YAF2: variants seen among roughly 807,000 people sequenced by gnomAD.
The protein encoded by YAF2 is YY1 associated factor 2.
YAF2 carries 7 observed loss-of-function variants against 20.1 expected under a neutral mutation model. That is an observed-to-expected ratio of 0.35 (90% confidence interval 0.20 to 0.65). YAF2 has a LOEUF of 0.65. YAF2 is among the 30% of genes least tolerant of loss of function. The probability of loss-of-function intolerance (pLI) is 0.69; values close to 1 mark genes in which losing one functional copy is unlikely to be tolerated. For missense variants in YAF2, 151 were observed against 219.2 expected, an observed-to-expected ratio of 0.69 and a Z score of 1.96; for synonymous variants, 74 against 76.0, an observed-to-expected ratio of 0.97 and a Z score of 0.14.
At chr12:42,221,920 C>G (rs1381407936) in intron 2 of YAF2, among the ~76,000 whole-genome samples, 2 of 152,174 alleles carry the variant, frequency 1.3e-5, no homozygotes, top group Non-Finnish European at 2.9e-5. Context: ...ATTAAGGTTT[C>G]AAGTAATAAA....
chr12:42,234,040 G>A (rs1349579494), intron 2 of YAF2: 4 of 635,084 alleles, frequency 6.3e-6, no homozygotes, highest in Middle Eastern at 7.9e-4. Flanking sequence ...GTGTGGTGGC[G>A]GGCACCTGTA....
At chr12:42,233,257 C>G in intron 2 of YAF2, 1 of 985,380 alleles carries the variant, frequency 1.0e-6, no homozygotes, top group Non-Finnish European at 1.2e-6. Context: ...ATAATATCCT[C>G]TAACAAAATG....
chr12:42,223,199 T>G (rs1258191312), intron 2 of YAF2, among the ~76,000 whole-genome samples: 4 of 152,154 alleles, frequency 2.6e-5, no homozygotes, highest in Non-Finnish European at 4.4e-5. Context: ...GGTGAAAGGT[T>G]TCTTTGCTTA....
At chr12:42,188,726 AC>A (rs1201280705) in intron 2 of YAF2, among the ~76,000 whole-genome samples, 1 of 151,898 alleles carries the variant, frequency 6.6e-6, no homozygotes, top group Non-Finnish European at 1.5e-5. Context: ...CTAAGTATTC[AC>A]ATGTACAATT....
chr12:42,170,990 G>GTT (rs368620433), intron 2 of YAF2, among the ~76,000 whole-genome samples: 1 of 151,574 alleles, frequency 6.6e-6, no homozygotes, highest in African/African-American at 2.4e-5. Context: ...GAATTGTTTA[G>GTT]TTTTTTTTTG....
chr12:42,171,194 A>G (rs2066038361), intron 2 of YAF2, among the ~76,000 whole-genome samples: 1 of 151,948 alleles, frequency 6.6e-6, no homozygotes, highest in Admixed American at 6.6e-5. Context: ...ATTTCACCAT[A>G]TTGCCCAGGC....
At chr12:42,212,077 C>T (rs916870405) in intron 2 of YAF2, among the ~76,000 whole-genome samples, 2 of 151,522 alleles carry the variant, frequency 1.3e-5, no homozygotes, top group African/African-American at 4.8e-5. Flanking sequence ...TATTGACACA[C>T]CAAACACAAA....
chr12:42,218,125 G>A (rs906884661), intron 2 of YAF2, among the ~76,000 whole-genome samples: 2 of 150,358 alleles, frequency 1.3e-5, no homozygotes, highest in African/African-American at 2.4e-5. Context: ...CTTTCTAGAC[G>A]TTAGAACTTG....
rs12228912 is a variant in YAF2 at position 42,224,540 on chromosome 12, G to A, written c.152+13059C>T. Among the ~76,000 whole-genome samples, 128 of 142,856 alleles carry A rather than the reference G, an allele frequency of 9.0e-4. 1 individual carries two copies. Among genetic ancestry groups the A allele is most frequent in the East Asian group, 7.4e-3 (36 of 4,846 alleles). The allele number at this position is 142,856 out of a possible 152,430, so 93.7% of individuals were successfully genotyped here. On this transcript the variant is annotated intron_variant, in intron 2 of 3. Coordinates refer to ENST00000534854, the MANE Select transcript of YAF2 (RefSeq NM_005748.6). Reference sequence around the variant, plus strand: ...TATCCCTCCTCTAGCCCCCCACCCCGCGACAGGCCCCCGTGTGTGATGTTC... The same window carrying A: ...TATCCCTCCTCTAGCCCCCCACCCCACGACAGGCCCCCGTGTGTGATGTTC...
chr12:42,192,755 G>T (rs1278338569), intron 2 of YAF2, among the ~76,000 whole-genome samples: 1 of 152,130 alleles, frequency 6.6e-6, no homozygotes, highest in Admixed American at 6.5e-5. Context: ...AGTACTATCA[G>T]TTTTCCTCTT....
At chr12:42,230,271 GAAGA>G (rs1378095727) in intron 2 of YAF2, among the ~76,000 whole-genome samples, 1 of 146,766 alleles carries the variant, frequency 6.8e-6, no homozygotes, top group Non-Finnish European at 1.5e-5. Flanking sequence ...AAAAGAAAGA[GAAGA>G]AAGAGAAGAA....
intron 2 of YAF2, among the ~76,000 whole-genome samples, chr12:42,216,407 C>A (rs897835189): frequency 5.9e-5 from 9 of 151,958 alleles, no homozygotes; most frequent in African/African-American, 1.7e-4. Flanking sequence ...CTAAACACAC[C>A]CCCCTCTTTT....
At chr12:42,221,496 T>G (rs2067511571) in intron 2 of YAF2, among the ~76,000 whole-genome samples, 1 of 152,128 alleles carries the variant, frequency 6.6e-6, no homozygotes, top group Admixed American at 6.5e-5. Flanking sequence ...GAGTTTGAAG[T>G]TATAGTAAGC....
At chr12:42,222,291 T>A (rs1250297691) in intron 2 of YAF2, among the ~76,000 whole-genome samples, 1 of 152,208 alleles carries the variant, frequency 6.6e-6, no homozygotes, top group Admixed American at 6.5e-5. Context: ...AATGTTAAAC[T>A]TTCTACCAAT....
intron 2 of YAF2, among the ~76,000 whole-genome samples, chr12:42,178,337 GT>G (rs2066251399): frequency 6.6e-6 from 1 of 151,922 alleles, no homozygotes; most frequent in Admixed American, 6.6e-5. Context: ...CCTGGTACAG[GT>G]TATTTTTCAA....
intron 1 of YAF2, 107 bp from the exon 2 acceptor site, chr12:42,237,831 G>T: frequency 1.1e-6 from 1 of 908,802 alleles, no homozygotes; most frequent in East Asian, 1.2e-4. Flanking sequence ...CCAATTCTGC[G>T]ACCCCCGCCC....
At chr12:42,214,955 G>C (rs1329749973) in intron 2 of YAF2, among the ~76,000 whole-genome samples, 1 of 152,078 alleles carries the variant, frequency 6.6e-6, no homozygotes, top group African/African-American at 2.4e-5. Context: ...AGTGAGCTGA[G>C]ATGGCACCAC....
At chr12:42,201,410 T>C (rs2066894955) in intron 2 of YAF2, among the ~76,000 whole-genome samples, 1 of 152,210 alleles carries the variant, frequency 6.6e-6, no homozygotes, top group African/African-American at 2.4e-5. Flanking sequence ...CCATTCCAAT[T>C]CCATTTCCTC....
intron 3 of YAF2, 88 bp downstream of exon 3, chr12:42,161,525 C>T (rs1306837034): frequency 6.5e-6 from 9 of 1,374,490 alleles, no homozygotes; most frequent in Non-Finnish European, 7.6e-6. Flanking sequence ...TATTTTACTT[C>T]CACTTTGTGT....
Sources: gnomAD v4.1 joint callset for allele counts (sites outside exome capture counted in the v4.1 genomes callset) on GRCh38, gnomAD v4.1.1 for gene constraint, MANE v1.5 for transcripts, NCBI Gene and HGNC (gene_info 2026-07-23, HGNC 2026-07-21) for gene names.